Variants in HBB observed in about 807,000 individuals in gnomAD.
HBB encodes the protein Hb Monza protein.
A neutral mutation model predicts 9.7 loss-of-function variants in HBB; 18 were observed. The ratio of observed to expected loss-of-function variants is 1.86; its 90% CI spans 1.28 to 2.76. The LOEUF is 2.76. HBB is among the 30% of genes most tolerant of loss of function. HBB has a pLI of 0.00. For missense variants in HBB, 156 were observed against 177.0 expected, an observed-to-expected ratio of 0.88 and a Z score of 0.67; for synonymous variants, 99 against 73.6, an observed-to-expected ratio of 1.35 and a Z score of -1.77.
rs576852971 is a variant in HBB, at chr11:5,226,131, A to G, written c.316-405T>C. On this transcript the variant is annotated intron_variant, in intron 2 of 2. Transcript: ENST00000335295. Reference sequence around the variant, plus strand: ...TCAATATGTGTACACATATTAAAACATTACACTTTAACCCATAAATATGTA... The same window carrying G: ...TCAATATGTGTACACATATTAAAACGTTACACTTTAACCCATAAATATGTA... 22 of 296,690 alleles carry G rather than the reference A, an allele frequency of 7.4e-5. No homozygotes were observed. The South Asian group carries it at 8.7e-4, about 12-fold the overall frequency. The allele number at this position is 296,690 out of a possible 1,614,324, so 18.4% of individuals were successfully genotyped here.
Position 5,226,925 on chromosome 11 carries a change from C to T in HBB, c.92+5G>A, listed in dbSNP as rs33915217. On this transcript the variant is annotated splice_donor_5th_base_variant and intron_variant, in intron 1 of 2. Transcript: ENST00000335295. ...TTAAACCTGTCTTGTAACCTTGATA[C>T]CAACCTGCCCAGGGCCTCACCACCA... 2 of 1,612,226 alleles carry T rather than the reference C, an allele frequency of 1.2e-6. No individual in the cohort carries two copies. Among genetic ancestry groups the T allele is most frequent in the Admixed American group, 1.7e-5 (1 of 60,018 alleles).
rs35871407 is a variant in HBB at position 5,225,707 on chromosome 11, A to G, written c.335T>C (p.Val112Ala). The G allele has an allele frequency of 6.2e-7, 1 of 1,614,128 alleles. No homozygotes were observed. Residue 112 changes from valine (V) to alanine (A), a missense_variant, in exon 3 of 3, where the codon GTC becomes GCC. By Grantham distance (64) the Val-to-Ala change is moderately conservative. Coordinates refer to ENST00000335295, the MANE Select transcript of HBB (RefSeq NM_000518.5). ...ENFRLLGNVL[V>A]CVLAHHFGKE... is the part of the protein sequence containing the mutation. ...GCCAAAGTGATGGGCCAGCACACAG[A>G]CCAGCACGTTGCCCAGGAGCTGTGG... is the stretch of plus-strand genomic sequence containing the variant.
rs1265141258 is a variant in HBB, at chr11:5,226,340, A to T, written c.315+237T>A. ...TATACACAATGTTAAGGCATTAAGTATAATAGTAAAAATTGCGGAGAAGAA... is the reference window on the plus strand; with the variant it reads ...TATACACAATGTTAAGGCATTAAGTTTAATAGTAAAAATTGCGGAGAAGAA... On this transcript the variant is annotated intron_variant, in intron 2 of 2. Coordinates refer to ENST00000335295, the MANE Select transcript of HBB (RefSeq NM_000518.5). 3.3e-6 allele frequency: 2 copies of T among 604,680 alleles called. No individual in the cohort carries two copies. The highest frequency in any genetic ancestry group is 3.7e-5 in the African/African-American group (2 of 53,890). 37.5% of individuals were successfully genotyped at this position (604,680 alleles called of 1,614,324 possible). A position where few individuals can be genotyped will look rare whatever the true frequency, so the allele number is the denominator to read the frequency against.
chr11:5,226,974 C>T lies in HBB; in HGVS notation c.48G>A (p.Trp16Ter), dbSNP rs34716011. 2.5e-6 allele frequency: 4 copies of T among 1,613,818 alleles called. No homozygotes were observed. The highest frequency in any genetic ancestry group is 1.3e-5 in the African/African-American group (1 of 74,914). The change falls in exon 1 of 3, where the codon TGG becomes TGA. Residue 16 changes from tryptophan to a stop codon, truncating the protein, a stop_gained. Transcript: ENST00000335295. LOFTEE classifies it high-confidence loss of function. Reference sequence around the variant, plus strand: ...CAACTTCATCCACGTTCACCTTGCCCCACAGGGCAGTAACGGCAGACTTCT... The same window carrying T: ...CAACTTCATCCACGTTCACCTTGCCTCACAGGGCAGTAACGGCAGACTTCT... ...PEEKSAVTAL[W>*]GKVNVDEVGG... is the part of the protein sequence containing the mutation.
intron 1 of HBB, 63 bp from the exon 2 acceptor site, chr11:5,226,862 C>G (rs1847576297): frequency 1.3e-6 from 2 of 1,592,380 alleles, no homozygotes; most frequent in South Asian, 2.2e-5. Flanking sequence ...ACCCAAGAGT[C>G]TTCTCTGTCT....
At position 5,226,994 on chromosome 11, in the gene HBB, A is replaced by T; in HGVS notation, c.28T>A (p.Ser10Thr). 2 of 1,613,170 alleles carry T rather than the reference A, an allele frequency of 1.2e-6. No individual in the cohort carries two copies. Among genetic ancestry groups the T allele is most frequent in the Non-Finnish European group, 1.7e-6 (2 of 1,179,138 alleles). Reference sequence around the variant, plus strand: ...TTGCCCCACAGGGCAGTAACGGCAGACTTCTCCTCAGGAGTCAGATGCACC... The same window carrying T: ...TTGCCCCACAGGGCAGTAACGGCAGTCTTCTCCTCAGGAGTCAGATGCACC... MVHLTPEEK[S>T]AVTALWGKVN... The change falls in exon 1 of 3, where the codon TCT becomes ACT. Residue 10 changes from serine to threonine, a missense_variant. By Grantham distance (58) the Ser-to-Thr change is moderately conservative. Transcript: ENST00000335295.
chr11:5,226,415 C>A, intron 2 of HBB, 162 bp downstream of exon 2: 2 of 692,978 alleles, frequency 2.9e-6, no homozygotes, highest in South Asian at 3.6e-5. Flanking sequence ...TTATGAACAG[C>A]AAATAAAAGA....
rs1005042281 is a variant in HBB, at chr11:5,225,871, C to T, written c.316-145G>A. On this transcript the variant is annotated intron_variant, in intron 2 of 2. Coordinates refer to ENST00000335295, the MANE Select transcript of HBB (RefSeq NM_000518.5). Reference sequence around the variant, plus strand: ...GCTATTAGCAATATGAAACCTCTTACATCAGTTACAATTTATATGCAGAAA... The same window carrying T: ...GCTATTAGCAATATGAAACCTCTTATATCAGTTACAATTTATATGCAGAAA... 5 of 758,212 alleles carry T rather than the reference C, an allele frequency of 6.6e-6. No individual in the cohort carries two copies. The highest frequency in any genetic ancestry group is 2.6e-4 in the Middle Eastern group (1 of 3,882). The allele number at this position is 758,212 out of a possible 1,614,324, so 47.0% of individuals were successfully genotyped here.
In HBB at chr11:5,225,565, C is replaced by A. The variant is rs1364427740; in HGVS notation, c.*33G>T. ...AGTTGGACTTAGGGAACAAAGGAACCTTTAATAGAAATTGGACAGCAAGAA... is the reference window on the plus strand; with the variant it reads ...AGTTGGACTTAGGGAACAAAGGAACATTTAATAGAAATTGGACAGCAAGAA... On this transcript the variant is annotated 3_prime_UTR_variant, in exon 3 of 3. Transcript: ENST00000335295. 4 of 1,612,816 alleles carry A rather than the reference C, an allele frequency of 2.5e-6. No homozygotes were observed. In the South Asian group the frequency reaches 3.3e-5, roughly 13 times the overall value.
rs2133587552 is a variant in HBB, at chr11:5,226,494, C to A, written c.315+83G>T. ...TCTGTTTCCCATTCTAAACTGTACC[C>A]TGTTACTTATCCCCTTCCTATGACA... is the stretch of plus-strand genomic sequence containing the variant. On this transcript the variant is annotated intron_variant, in intron 2 of 2. Coordinates refer to ENST00000335295, the MANE Select transcript of HBB (RefSeq NM_000518.5). The A allele has an allele frequency of 1.5e-5, 19 of 1,242,904 alleles. No individual in the cohort carries two copies. The South Asian group carries it at 2.3e-4, about 15-fold the overall frequency. The allele number at this position is 1,242,904 out of a possible 1,614,324, so 77.0% of individuals were successfully genotyped here. A position where few individuals can be genotyped will look rare whatever the true frequency, so the allele number is the denominator to read the frequency against.
intron 2 of HBB, chr11:5,226,363 GAAAAA>G: frequency 1.7e-6 from 1 of 598,874 alleles, no homozygotes; most frequent in Admixed American, 3.0e-5. Flanking sequence ...TTGCGGAGAA[GAAAAA>G]AAAAGAAAGC....
intron 1 of HBB, 55 bp from the exon 2 acceptor site, chr11:5,226,854 CCAA>C: frequency 9.4e-6 from 15 of 1,595,622 alleles, no homozygotes; most frequent in Non-Finnish European, 1.3e-5. Context: ...TATCAGAAAC[CCAA>C]GAGTCTTCTC....
chr11:5,226,467 C>G lies in HBB; in HGVS notation c.315+110G>C. 1.0e-6 allele frequency: 1 copy of G among 954,562 alleles called. No homozygotes were observed. Among genetic ancestry groups the G allele is most frequent in the Non-Finnish European group, 1.7e-6 (1 of 593,646 alleles). 59.1% of individuals were successfully genotyped at this position (954,562 alleles called of 1,614,324 possible). A position where few individuals can be genotyped will look rare whatever the true frequency, so the allele number is the denominator to read the frequency against. On this transcript the variant is annotated intron_variant, in intron 2 of 2. Transcript: ENST00000335295. ...AGACTTCCACACTGATGCAATCATTCGTCTGTTTCCCATTCTAAACTGTAC... is the reference window on the plus strand; with the variant it reads ...AGACTTCCACACTGATGCAATCATTGGTCTGTTTCCCATTCTAAACTGTAC...
rs34305195 is a variant in HBB, at chr11:5,227,071, T to G, written c.-50A>C. 81 of 1,232,076 alleles carry G rather than the reference T, an allele frequency of 6.6e-5. 1 individual carries two copies. In the South Asian group the frequency reaches 9.6e-4, roughly 15 times the overall value. The allele number at this position is 1,232,076 out of a possible 1,614,324, so 76.3% of individuals were successfully genotyped here. On this transcript the variant is annotated 5_prime_UTR_variant, in exon 1 of 3. Transcript: ENST00000335295. ...AACACAGTTGTGTCAGAAGCAAATG[T>G]AAGCAATAGATGGCTCTGCCCTGAC... is the stretch of plus-strand genomic sequence containing the variant.
Position 5,226,428 on chromosome 11 carries a change from C to T in HBB, c.315+149G>A, listed in dbSNP as rs2133587464. 1 of 746,518 alleles carries T rather than the reference C, an allele frequency of 1.3e-6. No homozygotes were observed. 46.2% of individuals were successfully genotyped at this position (746,518 alleles called of 1,614,324 possible). A position where few individuals can be genotyped will look rare whatever the true frequency, so the allele number is the denominator to read the frequency against. ...TGTTATGAACAGCAAATAAAAGAAACTAAAACGATCCTGAGACTTCCACAC... is the reference window on the plus strand; with the variant it reads ...TGTTATGAACAGCAAATAAAAGAAATTAAAACGATCCTGAGACTTCCACAC... On this transcript the variant is annotated intron_variant, in intron 2 of 2. Transcript: ENST00000335295.
Position 5,227,042 on chromosome 11 carries a change from A to G in HBB, c.-21T>C, listed in dbSNP as rs772919319. 4.8e-6 allele frequency: 7 copies of G among 1,473,376 alleles called. No individual in the cohort carries two copies. The highest frequency in any genetic ancestry group is 1.7e-4 in the Middle Eastern group (1 of 5,792). The allele number at this position is 1,473,376 out of a possible 1,614,324, so 91.3% of individuals were successfully genotyped here. A position where few individuals can be genotyped will look rare whatever the true frequency, so the allele number is the denominator to read the frequency against. On this transcript the variant is annotated 5_prime_UTR_variant, in exon 1 of 3. Coordinates refer to ENST00000335295, the MANE Select transcript of HBB (RefSeq NM_000518.5). ...ACCATGGTGTCTGTTTGAGGTTGCT[A>G]GTGAACACAGTTGTGTCAGAAGCAA...
chr11:5,226,716 G>A lies in HBB; in HGVS notation c.176C>T (p.Pro59Leu). Reference protein sequence around the residue: ...LSTPDAVMGNPKVKAHGKKVL... With the variant: ...LSTPDAVMGNLKVKAHGKKVL... ...TTTCTTGCCATGAGCCTTCACCTTA[G>A]GGTTGCCCATAACAGCATCAGGAGT... The change falls in exon 2 of 3, where the codon CCT becomes CTT. Residue 59 changes from proline (P) to leucine (L), a missense_variant. By Grantham distance (98) the Pro-to-Leu change is moderately conservative. Transcript: ENST00000335295. The A allele has an allele frequency of 2.5e-6, 4 of 1,614,138 alleles. No individual in the cohort carries two copies. Among genetic ancestry groups the A allele is most frequent in the South Asian group, 1.1e-5 (1 of 91,076 alleles).
rs111645889 is a variant in HBB, at chr11:5,225,653, G to A, written c.389C>T (p.Ala130Val). The A allele has an allele frequency of 1.2e-5, 20 of 1,613,962 alleles. No homozygotes were observed. The African/African-American group carries it at 2.1e-4, about 17-fold the overall frequency. ...CACACCAGCCACCACTTTCTGATAG[G>A]CAGCCTGCACTGGTGGGGTGAATTC... Reference protein sequence around the residue: ...GKEFTPPVQAAYQKVVAGVAN... With the variant: ...GKEFTPPVQAVYQKVVAGVAN... Residue 130 changes from alanine (A) to valine (V), a missense_variant, in exon 3 of 3, where the codon GCC becomes GTC. Transcript: ENST00000335295.
At chr11:5,226,430 A>G in intron 2 of HBB, 147 bp downstream of exon 2, 2 of 755,812 alleles carry the variant, frequency 2.6e-6, no homozygotes, top group Non-Finnish European at 2.2e-6. Flanking sequence ...AAAAGAAACT[A>G]AAACGATCCT....
Sources: gnomAD v4.1 joint callset for allele counts on GRCh38, gnomAD v4.1.1 for gene constraint, MANE v1.5 for transcripts, NCBI Gene and HGNC (gene_info 2026-07-23, HGNC 2026-07-21) for gene names.